Variants in SBF2 observed in about 807,000 individuals in gnomAD.
The protein encoded by SBF2 is SET binding factor 2, also known as myotubularin-related protein 13.
SBF2 carries 112 observed loss-of-function variants against 225.2 expected under a neutral mutation model. The observed-to-expected ratio is 0.50, with a 90% CI of 0.43 to 0.58. The LOEUF (loss-of-function observed/expected upper bound fraction) is 0.58. Among genes scored for constraint, SBF2 ranks in the 20% least tolerant of loss-of-function variants. The probability of loss-of-function intolerance (pLI) is 0.00; values close to 1 mark genes in which losing one functional copy is unlikely to be tolerated. For missense variants in SBF2, 1,996 were observed against 2,206.2 expected, an observed-to-expected ratio of 0.90 and a Z score of 1.91; for synonymous variants, 763 against 773.3, an observed-to-expected ratio of 0.99 and a Z score of 0.22.
chr11:10,251,139 T>C (rs1960305690), intron 1 of SBF2, among the ~76,000 whole-genome samples: 1 of 152,200 alleles, frequency 6.6e-6, no homozygotes, highest in African/African-American at 2.4e-5. Context: ...CCTTATACTT[T>C]GGTAGATAAA....
intron 6 of SBF2, among the ~76,000 whole-genome samples, chr11:10,019,287 A>AC (rs1440835948): frequency 6.6e-6 from 1 of 152,226 alleles, no homozygotes; most frequent in African/African-American, 2.4e-5. Flanking sequence ...AGTTTTCGTT[A>AC]GAGATCCTTA....
intron 2 of SBF2, among the ~76,000 whole-genome samples, chr11:10,076,199 G>A (rs1951096897): frequency 6.6e-6 from 1 of 152,210 alleles, no homozygotes; most frequent in South Asian, 2.1e-4. Context: ...CCACTGGGGA[G>A]CTCCGTGACC....
At chr11:10,215,769 T>C (rs1425511859) in intron 1 of SBF2, among the ~76,000 whole-genome samples, 1 of 152,218 alleles carries the variant, frequency 6.6e-6, no homozygotes, top group Admixed American at 6.5e-5. Flanking sequence ...TGTTGTGCAC[T>C]TCAAATCATT....
intron 25 of SBF2, among the ~76,000 whole-genome samples, chr11:9,840,342 A>G (rs1856043079): frequency 6.6e-6 from 1 of 152,298 alleles, no homozygotes; most frequent in East Asian, 1.9e-4. Context: ...TATGTATATC[A>G]CAAATTAAAT....
intron 17 of SBF2, among the ~76,000 whole-genome samples, chr11:9,876,398 T>C (rs1355135468): frequency 6.6e-6 from 1 of 152,154 alleles, no homozygotes; most frequent in Non-Finnish European, 1.5e-5. Context: ...TGAAACCCTA[T>C]CTCCATCCAG....
intron 17 of SBF2, among the ~76,000 whole-genome samples, chr11:9,882,189 C>A (rs1444061744): frequency 6.6e-6 from 1 of 152,156 alleles, no homozygotes; most frequent in African/African-American, 2.4e-5. Context: ...AGTCACCAGA[C>A]AACATTTCAG....
chr11:10,160,987 G>T (rs991783540), intron 2 of SBF2, among the ~76,000 whole-genome samples: 8 of 152,060 alleles, frequency 5.3e-5, no homozygotes, highest in African/African-American at 1.9e-4. Context: ...AGGAGTTCGA[G>T]ACACGCCTGG....
chr11:10,145,737 C>T (rs894429631), intron 2 of SBF2, among the ~76,000 whole-genome samples: 15 of 152,108 alleles, frequency 9.9e-5, no homozygotes, highest in Admixed American at 7.2e-4. Flanking sequence ...GTGCTCTATA[C>T]TAATGTCACA....
chr11:9,849,385 A>G (rs1162741528), intron 22 of SBF2, among the ~76,000 whole-genome samples: 4 of 152,244 alleles, frequency 2.6e-5, no homozygotes, highest in African/African-American at 9.6e-5. Context: ...TCCTATCAAC[A>G]AGAGCATTTT....
chr11:10,238,388 C>T (rs776603268), intron 1 of SBF2, among the ~76,000 whole-genome samples: 7 of 151,790 alleles, frequency 4.6e-5, no homozygotes, highest in Non-Finnish European at 8.8e-5. Flanking sequence ...CCGGCCTGGG[C>T]AACAGAGTAA....
At chr11:10,158,401 T>A (rs1307542681) in intron 2 of SBF2, among the ~76,000 whole-genome samples, 3 of 151,980 alleles carry the variant, frequency 2.0e-5, no homozygotes, top group African/African-American at 7.2e-5. Flanking sequence ...AAGAGGTGGT[T>A]TTTTGAAAAG....
At chr11:9,841,929 T>C (rs10840312) in intron 25 of SBF2, among the ~76,000 whole-genome samples, 68,426 of 152,024 alleles carry the variant, frequency 0.45, 17,565 homozygotes, top group Non-Finnish European at 0.58. Flanking sequence ...TTGTTGTTGT[T>C]AGTAGTAGTT....
chr11:10,084,666 A>C (rs1353242350), intron 2 of SBF2, among the ~76,000 whole-genome samples: 17 of 152,362 alleles, frequency 1.1e-4, no homozygotes, highest in Non-Finnish European at 1.3e-4. Context: ...ACAATGGCAA[A>C]GATATGAAAC....
chr11:9,814,095 G>T (rs1344148104), intron 29 of SBF2, among the ~76,000 whole-genome samples: 1 of 152,006 alleles, frequency 6.6e-6, no homozygotes. Flanking sequence ...TTTGTGTGTG[G>T]TATGAGTGTT....
intron 1 of SBF2, among the ~76,000 whole-genome samples, chr11:10,230,290 G>A (rs1353936314): frequency 3.9e-5 from 6 of 152,074 alleles, no homozygotes; most frequent in African/African-American, 1.2e-4. Flanking sequence ...TCTTTTAATT[G>A]GAGCATTTAG....
intron 26 of SBF2, among the ~76,000 whole-genome samples, chr11:9,835,648 G>T (rs866134188): frequency 9.9e-5 from 4 of 40,470 alleles, no homozygotes; most frequent in Admixed American, 2.1e-4. Flanking sequence ...AAAAAAAAAA[G>T]ATTACTACTA....
intron 32 of SBF2, among the ~76,000 whole-genome samples, chr11:9,796,734 T>G (rs1361847166): frequency 6.6e-6 from 1 of 152,126 alleles, no homozygotes; most frequent in Non-Finnish European, 1.5e-5. Flanking sequence ...GAAAGATAGT[T>G]CAAGTGCCAA....
chr11:10,020,914 T>A (rs1050132565), intron 6 of SBF2, among the ~76,000 whole-genome samples: 2 of 150,676 alleles, frequency 1.3e-5, no homozygotes, highest in Non-Finnish European at 1.5e-5. Context: ...TTAAGAACTT[T>A]AAAAAAAAAC....
intron 1 of SBF2, among the ~76,000 whole-genome samples, chr11:10,300,738 T>C (rs1302056323): frequency 6.6e-6 from 1 of 152,026 alleles, no homozygotes; most frequent in African/African-American, 2.4e-5. Context: ...CTTGAAGTAA[T>C]TTCATTTTGT....
Sources: allele counts gnomAD v4.1 joint callset (sites outside exome capture counted in the v4.1 genomes callset), GRCh38; gene constraint gnomAD v4.1.1; transcripts MANE v1.5; gene names NCBI Gene and HGNC (gene_info 2026-07-23, HGNC 2026-07-21).